The following PAH variants were observed in gnomAD, a reference collection of about 807,000 sequenced individuals.
PAH encodes phenylalanine-4-hydroxylase.
Under a neutral mutation model 62.0 loss-of-function variants are expected in PAH, and 64 were observed. That is an observed-to-expected ratio of 1.03 (90% CI 0.84 to 1.27). The LOEUF is 1.27. PAH is among the 50% of genes most tolerant of loss of function. The pLI, the probability that PAH is intolerant of heterozygous loss-of-function variation, is 0.00. For missense variants in PAH, 579 were observed against 542.8 expected, an observed-to-expected ratio of 1.07 and a Z score of -0.66; for synonymous variants, 195 against 196.2, an observed-to-expected ratio of 0.99 and a Z score of 0.05.
chr12:102,846,403 T>G (rs558074065), intron 9 of PAH, among the ~76,000 whole-genome samples: 61 of 152,232 alleles, frequency 4.0e-4, no homozygotes, highest in Admixed American at 1.4e-3. Flanking sequence ...TCACCTGCTA[T>G]GTAGAATTGC....
chr12:102,952,537 T>C (rs1214626309), upstream of PAH, among the ~76,000 whole-genome samples: 2 of 152,186 alleles, frequency 1.3e-5, no homozygotes, highest in Non-Finnish European at 2.9e-5. Context: ...TGGAGAGCTA[T>C]ATAGATTAAC....
At position 102,843,467 on chromosome 12, in the gene PAH, G is replaced by A. The variant is rs147469933; in HGVS notation, c.1199+179C>T. Among the ~76,000 whole-genome samples, 449 of 152,208 alleles carry A rather than the reference G, an allele frequency of 2.9e-3. 4 individuals are homozygous for A. Among genetic ancestry groups the A allele is most frequent in the African/African-American group, 9.4e-3 (389 of 41,530 alleles). ...CAGGGGTGTGTGCAAAGGTCAGCAT[G>A]CCCAACCTTCCAACAGAGAACGGAA... is the stretch of plus-strand genomic sequence containing the variant. On this transcript the variant is annotated intron_variant, in intron 11 of 12. Transcript: ENST00000553106.
exon 1 of PAH, chr12:102,958,340 TGCCACG>T: frequency 6.9e-7 from 1 of 1,458,210 alleles, no homozygotes; most frequent in Non-Finnish European, 9.0e-7. Flanking sequence ...CCTGTTTCTT[TGCCACG>T]GCCGCAGCCG....
intron 2 of PAH, among the ~76,000 whole-genome samples, chr12:102,896,184 A>G (rs536428709): frequency 1.3e-5 from 2 of 152,216 alleles, no homozygotes; most frequent in African/African-American, 4.8e-5. Context: ...TAGGGCAGGC[A>G]CATGGGGCCT....
intron 4 of PAH, among the ~76,000 whole-genome samples, chr12:102,873,684 T>A (rs1435911951): frequency 6.6e-6 from 1 of 152,194 alleles, no homozygotes; most frequent in East Asian, 1.9e-4. Flanking sequence ...ATTATATAAT[T>A]ATATACTAGT....
At chr12:102,866,493 T>G in intron 5 of PAH, 103 bp downstream of exon 5, 1 of 880,216 alleles carries the variant, frequency 1.1e-6, no homozygotes. Context: ...AAGGCAGGAC[T>G]CTTCATGCTG....
upstream of PAH, among the ~76,000 whole-genome samples, chr12:102,955,124 C>A (rs968509584): frequency 3.3e-5 from 5 of 152,194 alleles, no homozygotes; most frequent in Admixed American, 6.5e-5. Flanking sequence ...ATGAGTAAGG[C>A]CACTACAAGA....
intron 2 of PAH, among the ~76,000 whole-genome samples, chr12:102,900,283 T>C (rs932479153): frequency 6.6e-6 from 1 of 152,066 alleles, no homozygotes; most frequent in Non-Finnish European, 1.5e-5. Flanking sequence ...TCTCCTGACT[T>C]CGTGATCCGC....
intron 11 of PAH, among the ~76,000 whole-genome samples, chr12:102,841,176 C>A (rs1010026489): frequency 6.6e-6 from 1 of 152,144 alleles, no homozygotes; most frequent in African/African-American, 2.4e-5. Context: ...GGGAAGGAAC[C>A]CAGGCAGTCT....
chr12:102,846,970 A>T lies in PAH; in HGVS notation c.913-19T>A. The T allele has an allele frequency of 6.2e-7, 1 of 1,609,604 alleles. No individual in the cohort carries two copies. Among genetic ancestry groups the T allele is most frequent in the Non-Finnish European group, 8.5e-7 (1 of 1,175,918 alleles). ...CAATTTCCTGTAATTGGGGGAAAAT[A>T]GAACCTGTTCTGTTCCTGTAATTGG... On this transcript the variant is annotated intron_variant, in intron 8 of 12. Transcript: ENST00000553106.
chr12:102,932,457 A>G (rs938452586), intron 1 of PAH, among the ~76,000 whole-genome samples: 2 of 152,238 alleles, frequency 1.3e-5, no homozygotes, highest in Non-Finnish European at 2.9e-5. Context: ...ATATTCACAT[A>G]AAAAGATCGC....
At chr12:102,944,473 A>G (rs561467210) in intron 1 of PAH, among the ~76,000 whole-genome samples, 1 of 151,970 alleles carries the variant, frequency 6.6e-6, no homozygotes, top group South Asian at 2.1e-4. Context: ...TCCTTTGTGT[A>G]TTTTCAAATA....
At chr12:102,867,888 T>TAC (rs1315088546) in intron 4 of PAH, among the ~76,000 whole-genome samples, 17 of 146,602 alleles carry the variant, frequency 1.2e-4, no homozygotes, top group African/African-American at 3.9e-4. Context: ...TACATGTATA[T>TAC]ACATATATAG....
At chr12:102,958,366 C>G (rs887377909) in exon 1 of PAH, 18 of 1,441,264 alleles carry the variant, frequency 1.2e-5, no homozygotes, top group Middle Eastern at 4.8e-4. Context: ...GCGGCGGCCG[C>G]AGCCGCCGCA....
chr12:102,886,887 C>T (rs367543757), intron 3 of PAH, among the ~76,000 whole-genome samples: 7 of 151,964 alleles, frequency 4.6e-5, no homozygotes, highest in East Asian at 1.9e-4. Flanking sequence ...CAATCAATAT[C>T]GGTAGCATAA....
At chr12:102,882,424 T>C (rs762371881) in intron 3 of PAH, among the ~76,000 whole-genome samples, 2 of 152,172 alleles carry the variant, frequency 1.3e-5, no homozygotes, top group Non-Finnish European at 2.9e-5. Context: ...ACTCTTCCTA[T>C]CTTTGAAATG....
chr12:102,879,122 C>T (rs2136681307), intron 3 of PAH, among the ~76,000 whole-genome samples: 1 of 152,124 alleles, frequency 6.6e-6, no homozygotes, highest in East Asian at 1.9e-4. Flanking sequence ...AGTTCCTCCT[C>T]CGGGAGGAGG....
intron 2 of PAH, among the ~76,000 whole-genome samples, chr12:102,905,027 G>T (rs546552400): frequency 6.6e-6 from 1 of 152,194 alleles, no homozygotes; most frequent in South Asian, 2.1e-4. Context: ...TCATCTTCAC[G>T]CTTTCTCAAA....
intron 11 of PAH, among the ~76,000 whole-genome samples, chr12:102,841,262 G>A (rs1417724130): frequency 6.6e-6 from 1 of 152,116 alleles, no homozygotes; most frequent in African/African-American, 2.4e-5. Flanking sequence ...CCACCATGAG[G>A]GCCTCTATGA....
Sources: allele counts gnomAD v4.1 joint callset (sites outside exome capture counted in the v4.1 genomes callset), GRCh38; gene constraint gnomAD v4.1.1; transcripts MANE v1.5; gene names NCBI Gene and HGNC (gene_info 2026-07-23, HGNC 2026-07-21).